NIPSNAP3B: variants seen among roughly 807,000 people sequenced by gnomAD.
NIPSNAP3B encodes protein NipSnap homolog 3B.
In NIPSNAP3B, 30 loss-of-function variants were observed where a neutral mutation model predicts 31.5. The ratio of observed to expected loss-of-function variants is 0.95; its 90% CI spans 0.71 to 1.29. The LOEUF (loss-of-function observed/expected upper bound fraction) is 1.29. Ranked by LOEUF, NIPSNAP3B falls within the 50% of genes most tolerant of loss-of-function variation. The pLI is 0.00. For missense variants in NIPSNAP3B, 269 were observed against 300.7 expected, an observed-to-expected ratio of 0.89 and a Z score of 0.78; for synonymous variants, 106 against 107.9, an observed-to-expected ratio of 0.98 and a Z score of 0.11.
chr9:104,764,180 A>G lies in NIPSNAP3B; in HGVS notation c.-61A>G. ...GAGCCGCTTTTTTCCACTCGGGAAG[A>G]CTTCAGAGAAGTCTCACAAAGGACT... On this transcript the variant is annotated 5_prime_UTR_variant, in exon 1 of 6. Coordinates refer to ENST00000374762, the MANE Select transcript of NIPSNAP3B (RefSeq NM_018376.4). The G allele has an allele frequency of 6.7e-7, 1 of 1,486,020 alleles. No individual in the cohort carries two copies. 92.1% of individuals were successfully genotyped at this position (1,486,020 alleles called of 1,614,324 possible).
intron 2 of NIPSNAP3B, 105 bp from the exon 3 acceptor site, chr9:104,768,758 G>A (rs1440425936): frequency 1.4e-5 from 12 of 864,956 alleles, no homozygotes; most frequent in East Asian, 2.7e-5. Flanking sequence ...AATAACATGG[G>A]GTTCCCATAT....
the NIPSNAP3B span, among the ~76,000 whole-genome samples, chr9:104,784,949 C>T: frequency 0.25 from 38,748 of 152,100 alleles, 5,089 homozygotes; most frequent in East Asian, 0.33. Context: ...CGGCCAAAAA[C>T]TGACTTTCTA....
chr9:104,774,368 C>T lies in NIPSNAP3B; in HGVS notation c.*1295C>T, dbSNP rs1365379401. On this transcript the variant is annotated 3_prime_UTR_variant, in exon 6 of 6. Coordinates refer to ENST00000374762, the MANE Select transcript of NIPSNAP3B (RefSeq NM_018376.4). ...GGCAGTGGCAGCTTAAACAGACATA[C>T]CTCCTCAGCATTCTTTTCCATGCAG... Among the ~76,000 whole-genome samples the T allele has an allele frequency of 1.3e-5, 2 of 152,154 alleles. No individual in the cohort carries two copies. The highest frequency in any genetic ancestry group is 2.9e-5 in the Non-Finnish European group (2 of 68,028).
At chr9:104,764,337 A>G in intron 1 of NIPSNAP3B, 37 bp downstream of exon 1, 1 of 1,493,402 alleles carries the variant, frequency 6.7e-7, no homozygotes, top group Non-Finnish European at 9.1e-7. Flanking sequence ...CCCTGGCCGG[A>G]GGGGAGGGGA....
At chr9:104,786,048 T>C in the NIPSNAP3B span, among the ~76,000 whole-genome samples, 14 of 152,162 alleles carry the variant, frequency 9.2e-5, no homozygotes, top group Non-Finnish European at 1.8e-4. Flanking sequence ...AGCACAAAGC[T>C]AGGAGGTAGA....
In NIPSNAP3B at chr9:104,776,385, G is replaced by A. The variant is rs1012011314; in HGVS notation, c.*3312G>A. On this transcript the variant is annotated 3_prime_UTR_variant, in exon 6 of 6. Transcript: ENST00000374762. ...CAGTGGCCCCTATCTGCTAGAGACT[G>A]AATGTTTTTGTCCCCCCAAAATTCC... Among the ~76,000 whole-genome samples, 1 of 64,222 alleles carries A rather than the reference G, an allele frequency of 1.6e-5. No individual in the cohort carries two copies. The highest frequency in any genetic ancestry group is 3.2e-4 in the East Asian group (1 of 3,174). 42.1% of individuals were successfully genotyped at this position (64,222 alleles called of 152,430 possible).
At position 104,773,474 on chromosome 9, in the gene NIPSNAP3B, CTA is replaced by C. The variant is rs2118802782; in HGVS notation, c.*404_*405del. 6.4e-6 allele frequency: 1 copy of C among 155,236 alleles called. No homozygotes were observed. The highest frequency in any genetic ancestry group is 1.4e-5 in the Non-Finnish European group (1 of 70,218). 9.6% of individuals were successfully genotyped at this position (155,236 alleles called of 1,614,324 possible). A position where few individuals can be genotyped will look rare whatever the true frequency, so the allele number is the denominator to read the frequency against. On this transcript the variant is annotated 3_prime_UTR_variant, in exon 6 of 6. Transcript: ENST00000374762. Reference sequence around the variant, plus strand: ...TAAAATATCTATCTTTTCATCATGTCTATAGTTCCTGAGATTTTAAAAAAATT... The same window carrying C: ...TAAAATATCTATCTTTTCATCATGTCTAGTTCCTGAGATTTTAAAAAAATT...
intron 4 of NIPSNAP3B, among the ~76,000 whole-genome samples, chr9:104,772,259 T>A (rs1828238949): frequency 1.3e-5 from 2 of 151,740 alleles, no homozygotes; most frequent in Non-Finnish European, 2.9e-5. Flanking sequence ...ATACCATTTG[T>A]CAATTTTTGT....
chr9:104,786,996 A>C, the NIPSNAP3B span: 2 of 1,596,172 alleles, frequency 1.3e-6, no homozygotes, highest in East Asian at 4.5e-5. Context: ...GAATAAAATA[A>C]GTCTTATTTG....
chr9:104,780,697 T>G (rs927319444), downstream of NIPSNAP3B, among the ~76,000 whole-genome samples: 2 of 152,144 alleles, frequency 1.3e-5, no homozygotes, highest in African/African-American at 2.4e-5. Context: ...CAAGTGAACA[T>G]TTATTAAATA....
intron 2 of NIPSNAP3B, among the ~76,000 whole-genome samples, chr9:104,767,270 G>A (rs900309878): frequency 6.6e-6 from 1 of 151,996 alleles, no homozygotes; most frequent in African/African-American, 2.4e-5. Flanking sequence ...GAGTTTCAAG[G>A]AATTCTTTCA....
rs1768827821 is a variant in NIPSNAP3B at position 104,776,957 on chromosome 9, T to C, written c.*3884T>C. Among the ~76,000 whole-genome samples the C allele has an allele frequency of 6.6e-6, 1 of 152,194 alleles. No homozygotes were observed. Among genetic ancestry groups the C allele is most frequent in the African/African-American group, 2.4e-5 (1 of 41,448 alleles). On this transcript the variant is annotated 3_prime_UTR_variant, in exon 6 of 6. Coordinates refer to ENST00000374762, the MANE Select transcript of NIPSNAP3B (RefSeq NM_018376.4). Reference sequence around the variant, plus strand: ...CTGTTAACAGATTACATAACTGTTATTGGAAGTGCCTCACTACTCCATTTG... The same window carrying C: ...CTGTTAACAGATTACATAACTGTTACTGGAAGTGCCTCACTACTCCATTTG...
chr9:104,788,278 C>T, the NIPSNAP3B span: 2 of 1,209,260 alleles, frequency 1.7e-6, no homozygotes, highest in Middle Eastern at 2.3e-4. Flanking sequence ...CAGGTTTCCA[C>T]CCTGAAAGCA....
chr9:104,787,028 G>C, the NIPSNAP3B span: 10 of 1,531,354 alleles, frequency 6.5e-6, no homozygotes, highest in Non-Finnish European at 8.9e-6. Flanking sequence ...AAAAATCAAA[G>C]ATAAATTTGT....
chr9:104,765,749 T>C (rs750777713), intron 1 of NIPSNAP3B, among the ~76,000 whole-genome samples: 2 of 152,268 alleles, frequency 1.3e-5, no homozygotes, highest in Non-Finnish European at 2.9e-5. Context: ...AGCTTCCTTT[T>C]ATATTAGTTA....
chr9:104,770,791 C>T (rs1828197699), intron 3 of NIPSNAP3B, 58 bp from the exon 4 acceptor site: 1 of 1,521,698 alleles, frequency 6.6e-7, no homozygotes, highest in Non-Finnish European at 9.1e-7. Flanking sequence ...TCAGGAAAAC[C>T]TGGTTAGAAA....
intron 3 of NIPSNAP3B, 84 bp from the exon 4 acceptor site, chr9:104,770,765 T>G: frequency 8.4e-7 from 1 of 1,191,616 alleles, no homozygotes; most frequent in Non-Finnish European, 1.2e-6. Context: ...CTTCATTGGT[T>G]AGCCTTCTAA....
rs1034501038 is a variant in NIPSNAP3B at position 104,774,775 on chromosome 9, G to A, written c.*1702G>A. 3.9e-5 allele frequency among the ~76,000 whole-genome samples: 6 copies of A among 152,072 alleles called. No individual in the cohort carries two copies. Among genetic ancestry groups the A allele is most frequent in the Admixed American group, 1.3e-4 (2 of 15,270 alleles). On this transcript the variant is annotated 3_prime_UTR_variant, in exon 6 of 6. Coordinates refer to ENST00000374762, the MANE Select transcript of NIPSNAP3B (RefSeq NM_018376.4). ...AACATGACAGAGATTTGCCTTCCAG[G>A]GGGTCTAATTTGAAGAGGAAAGTAA...
At chr9:104,772,632 T>C (rs1424694841) in intron 4 of NIPSNAP3B, among the ~76,000 whole-genome samples, 190 bp from the exon 5 acceptor site, 5 of 152,232 alleles carry the variant, frequency 3.3e-5, no homozygotes, top group African/African-American at 1.2e-4. Context: ...TTCAGCCTTA[T>C]GTTTCCAGTT....
Sources: gnomAD v4.1 joint callset for allele counts (sites outside exome capture counted in the v4.1 genomes callset) on GRCh38, gnomAD v4.1.1 for gene constraint, MANE v1.5 for transcripts, NCBI Gene and HGNC (gene_info 2026-07-23, HGNC 2026-07-21) for gene names.